Variants in TRABD2B observed in about 807,000 individuals in gnomAD.
The protein encoded by TRABD2B is metalloprotease TIKI2.
Under a neutral mutation model 40.1 loss-of-function variants are expected in TRABD2B, and 14 were observed. The observed-to-expected ratio is 0.35, with a 90% CI of 0.23 to 0.55. The LOEUF (loss-of-function observed/expected upper bound fraction) is 0.55. Ranked by LOEUF, TRABD2B falls within the 20% of genes least tolerant of loss-of-function variation. The probability of loss-of-function intolerance (pLI) is 0.90; values close to 1 mark genes in which losing one functional copy is unlikely to be tolerated. For synonymous variants in TRABD2B, 263 were observed against 277.0 expected, an observed-to-expected ratio of 0.95 and a Z score of 0.50; for missense variants, 541 against 648.6, an observed-to-expected ratio of 0.83 and a Z score of 1.80.
chr1:47,896,723 C>T (rs946523768), intron 2 of TRABD2B, among the ~76,000 whole-genome samples: 1 of 152,168 alleles, frequency 6.6e-6, no homozygotes, highest in Non-Finnish European at 1.5e-5. Context: ...GTCTAGATTC[C>T]GACTGGCCTG....
chr1:47,814,751 G>A (rs1645008238), intron 2 of TRABD2B, among the ~76,000 whole-genome samples: 1 of 152,196 alleles, frequency 6.6e-6, no homozygotes, highest in African/African-American at 2.4e-5. Flanking sequence ...GGGACTCTGT[G>A]GTGCTGACAG....
At chr1:47,962,134 G>A (rs1251241259) in intron 2 of TRABD2B, among the ~76,000 whole-genome samples, 2 of 149,386 alleles carry the variant, frequency 1.3e-5, no homozygotes, top group South Asian at 2.1e-4. Flanking sequence ...AACACCACAT[G>A]TTCTCACTCA....
chr1:47,916,137 T>C (rs1644827558), intron 2 of TRABD2B, among the ~76,000 whole-genome samples: 3 of 133,710 alleles, frequency 2.2e-5, no homozygotes, highest in African/African-American at 8.2e-5. Context: ...TGCTCCTCAC[T>C]CCTCACTAGC....
chr1:47,874,252 ATTTTTTTTTTTT>A (rs61411862), intron 2 of TRABD2B, among the ~76,000 whole-genome samples: 4 of 90,524 alleles, frequency 4.4e-5, no homozygotes, highest in Non-Finnish European at 5.9e-5. Flanking sequence ...TGATTAATTA[ATTTTTTTTTTTT>A]TTTTTTTTTT....
At chr1:47,866,653 G>A (rs1192759620) in intron 2 of TRABD2B, among the ~76,000 whole-genome samples, 1 of 152,142 alleles carries the variant, frequency 6.6e-6, no homozygotes, top group Admixed American at 6.5e-5. Context: ...CCCAAGGCAT[G>A]CGCTGGAATG....
intron 2 of TRABD2B, among the ~76,000 whole-genome samples, chr1:47,845,807 T>G (rs1476703516): frequency 6.6e-6 from 1 of 152,220 alleles, no homozygotes; most frequent in Non-Finnish European, 1.5e-5. Flanking sequence ...AGTTACCTCC[T>G]AATGTGTTTA....
At chr1:47,984,746 G>T (rs562153659) in intron 2 of TRABD2B, among the ~76,000 whole-genome samples, 1 of 152,120 alleles carries the variant, frequency 6.6e-6, no homozygotes, top group East Asian at 1.9e-4. Flanking sequence ...CTTCTTCCAG[G>T]AAGCCTTCCT....
chr1:47,901,878 G>C (rs540907649), intron 2 of TRABD2B, among the ~76,000 whole-genome samples: 1 of 152,046 alleles, frequency 6.6e-6, no homozygotes, highest in African/African-American at 2.4e-5. Flanking sequence ...ATCAGAGAAG[G>C]CCTCACAGAG....
At position 47,769,041 on chromosome 1, in the gene TRABD2B, C is replaced by T. The variant is rs569302646; in HGVS notation, c.1350-2935G>A. ...GCTTCCGGCTGAGATCTCTCAAACC[C>T]GCAGATGGAGGCTTGCCAGGCGGGG... On this transcript the variant is annotated intron_variant, in intron 6 of 6. Coordinates refer to ENST00000606738, the MANE Select transcript of TRABD2B (RefSeq NM_001194986.2). Among the ~76,000 whole-genome samples, 93 of 152,280 alleles carry T rather than the reference C, an allele frequency of 6.1e-4. 1 individual carries two copies. Among genetic ancestry groups the T allele is most frequent in the African/African-American group, 2.1e-3 (88 of 41,556 alleles).
chr1:47,843,096 T>G (rs1645421441), intron 2 of TRABD2B, among the ~76,000 whole-genome samples: 1 of 151,020 alleles, frequency 6.6e-6, no homozygotes, highest in Non-Finnish European at 1.5e-5. Flanking sequence ...GAGGGAGGTG[T>G]GAGATGAGGT....
rs1538781 is a variant in TRABD2B at position 47,851,430 on chromosome 1, G to A, written c.667-49811C>T. 4.3e-3 allele frequency among the ~76,000 whole-genome samples: 662 copies of A among 152,292 alleles called. 6 individuals are homozygous for A. Among genetic ancestry groups the A allele is most frequent in the African/African-American group, 0.015 (619 of 41,556 alleles). ...GTCACAAGAATGTATGTGAACCTGC[G>A]GGGTGGTGTGTGTAGTCACAGAGTG... On this transcript the variant is annotated intron_variant, in intron 2 of 6. Coordinates refer to ENST00000606738, the MANE Select transcript of TRABD2B (RefSeq NM_001194986.2).
intron 2 of TRABD2B, among the ~76,000 whole-genome samples, chr1:47,873,931 G>A (rs1330430522): frequency 6.6e-6 from 1 of 152,162 alleles, no homozygotes; most frequent in African/African-American, 2.4e-5. Flanking sequence ...AAGAACATGG[G>A]TTATGAGAGG....
chr1:47,963,928 G>C (rs183557259), intron 2 of TRABD2B, among the ~76,000 whole-genome samples: 2 of 152,160 alleles, frequency 1.3e-5, no homozygotes, highest in Non-Finnish European at 2.9e-5. Context: ...AGTGAACTTG[G>C]GCCAGGCCCA....
intron 2 of TRABD2B, among the ~76,000 whole-genome samples, chr1:47,991,534 G>A (rs753272401): frequency 5.9e-5 from 9 of 152,128 alleles, no homozygotes; most frequent in Non-Finnish European, 1.0e-4. Context: ...TCCAAGCTGC[G>A]CAAGGGTGGA....
intron 6 of TRABD2B, among the ~76,000 whole-genome samples, chr1:47,767,919 G>A (rs1011317210): frequency 5.9e-5 from 9 of 152,184 alleles, no homozygotes; most frequent in South Asian, 2.1e-4. Context: ...CCAGGCCACC[G>A]TCCTGGCCAG....
chr1:47,836,285 C>A (rs1355080131), intron 2 of TRABD2B, among the ~76,000 whole-genome samples: 2 of 152,158 alleles, frequency 1.3e-5, no homozygotes, highest in Non-Finnish European at 2.9e-5. Context: ...CCAAGGTTTA[C>A]CTATATCCCT....
chr1:47,847,879 C>CTGAT (rs1645494164), intron 2 of TRABD2B, among the ~76,000 whole-genome samples: 1 of 152,340 alleles, frequency 6.6e-6, no homozygotes, highest in African/African-American at 2.4e-5. Flanking sequence ...CGCCTCATTA[C>CTGAT]AGCCCTCAGA....
At chr1:47,992,579 G>C (rs1457702578) in intron 2 of TRABD2B, among the ~76,000 whole-genome samples, 2 of 152,204 alleles carry the variant, frequency 1.3e-5, no homozygotes, top group African/African-American at 2.4e-5. Flanking sequence ...CCTCTGAACA[G>C]AGAGGCCTCC....
At chr1:47,771,167 C>G (rs927042697) in intron 6 of TRABD2B, among the ~76,000 whole-genome samples, 3 of 152,176 alleles carry the variant, frequency 2.0e-5, no homozygotes, top group Non-Finnish European at 2.9e-5. Context: ...AGAAGGAGGA[C>G]TGGCTGTGCT....
Sources: allele counts gnomAD v4.1 joint callset (sites outside exome capture counted in the v4.1 genomes callset), GRCh38; gene constraint gnomAD v4.1.1; transcripts MANE v1.5; gene names NCBI Gene and HGNC (gene_info 2026-07-23, HGNC 2026-07-21).